The following SCAPER variants were observed in gnomAD, a reference collection of about 807,000 sequenced individuals.
SCAPER encodes S phase cyclin A-associated protein in the endoplasmic reticulum.
In SCAPER, 98 loss-of-function variants were observed where a neutral mutation model predicts 182.2. The observed-to-expected ratio is 0.54, with a 90% CI of 0.46 to 0.64. The LOEUF (loss-of-function observed/expected upper bound fraction) is 0.64. SCAPER is among the 30% of genes least tolerant of loss of function. The pLI is 0.00. For synonymous variants in SCAPER, 605 were observed against 564.6 expected, an observed-to-expected ratio of 1.07 and a Z score of -1.01; for missense variants, 1,432 against 1,690.0, an observed-to-expected ratio of 0.85 and a Z score of 2.68.
intron 17 of SCAPER, among the ~76,000 whole-genome samples, chr15:76,717,694 T>C (rs986297703): frequency 6.6e-6 from 1 of 151,986 alleles, no homozygotes; most frequent in African/African-American, 2.4e-5. Flanking sequence ...AATATACAAA[T>C]AATAAAGAGA....
At chr15:76,420,729 C>T (rs1340120465) in intron 26 of SCAPER, among the ~76,000 whole-genome samples, 1 of 152,112 alleles carries the variant, frequency 6.6e-6, no homozygotes, top group African/African-American at 2.4e-5. Context: ...CGTTAACTCA[C>T]CATTTACATT....
intron 26 of SCAPER, among the ~76,000 whole-genome samples, chr15:76,425,411 C>T (rs1012664234): frequency 6.6e-6 from 1 of 152,194 alleles, no homozygotes; most frequent in Non-Finnish European, 1.5e-5. Context: ...ATAGAATCGG[C>T]TACTGAAGCT....
intron 20 of SCAPER, among the ~76,000 whole-genome samples, chr15:76,682,652 C>T (rs2057795553): frequency 6.6e-6 from 1 of 152,160 alleles, no homozygotes; most frequent in African/African-American, 2.4e-5. Context: ...TGGTACCACC[C>T]ATTAGAGTGT....
rs111308216 is a variant in SCAPER, at chr15:76,723,366, G to A, written c.2165+5229C>T. 2.8e-3 allele frequency among the ~76,000 whole-genome samples: 420 copies of A among 152,228 alleles called. 2 individuals carry two copies. The highest frequency in any genetic ancestry group is 9.8e-3 in the African/African-American group (406 of 41,546). On this transcript the variant is annotated intron_variant, in intron 17 of 31. Transcript: ENST00000563290. ...ACTTCCAACTATGTGGTCAATTTTG[G>A]AATAGGTGTGGTGTGGTGTGCTGAA...
At position 76,348,493 on chromosome 15, in the gene SCAPER, A is replaced by C; in HGVS notation, c.*140T>G. On this transcript the variant is annotated 3_prime_UTR_variant, in exon 32 of 32. Coordinates refer to ENST00000563290, the MANE Select transcript of SCAPER (RefSeq NM_020843.4). ...TCAAGTATCTACAGTCATTATAAAT[A>C]GTGTAAAGTACATGCCATATCTACA... 1 of 518,166 alleles carries C rather than the reference A, an allele frequency of 1.9e-6. No individual in the cohort carries two copies. The highest frequency in any genetic ancestry group is 3.4e-6 in the Non-Finnish European group (1 of 293,280). The allele number at this position is 518,166 out of a possible 1,614,324, so 32.1% of individuals were successfully genotyped here.
chr15:76,683,955 A>G (rs1226601956), intron 20 of SCAPER, among the ~76,000 whole-genome samples: 1 of 152,130 alleles, frequency 6.6e-6, no homozygotes, highest in Non-Finnish European at 1.5e-5. Flanking sequence ...AGAATTTCAC[A>G]TGCAGCCCAA....
chr15:76,404,186 T>G (rs1596461456), intron 27 of SCAPER, among the ~76,000 whole-genome samples: 1 of 151,910 alleles, frequency 6.6e-6, no homozygotes, highest in African/African-American at 2.4e-5. Context: ...CTTGGCTTGG[T>G]CTGGTCTAGG....
intron 23 of SCAPER, among the ~76,000 whole-genome samples, chr15:76,512,015 T>A (rs749858337): frequency 6.6e-6 from 1 of 151,700 alleles, no homozygotes. Context: ...CCCGGGTAGC[T>A]GGGATTACAG....
chr15:76,680,923 C>G (rs564714225), intron 20 of SCAPER, among the ~76,000 whole-genome samples: 56 of 152,254 alleles, frequency 3.7e-4, no homozygotes, highest in Non-Finnish European at 7.5e-4. Context: ...ATTTATATAG[C>G]TAATAATACA....
At chr15:76,854,967 G>A (rs762905250) in intron 4 of SCAPER, among the ~76,000 whole-genome samples, 58 of 148,054 alleles carry the variant, frequency 3.9e-4, no homozygotes, top group Non-Finnish European at 5.2e-4. Context: ...GCGAGACTCC[G>A]TCCCAAAAAA....
chr15:76,779,618 A>G (rs2063968975), intron 8 of SCAPER, among the ~76,000 whole-genome samples: 1 of 152,184 alleles, frequency 6.6e-6, no homozygotes, highest in South Asian at 2.1e-4. Flanking sequence ...AAACTTTTTA[A>G]AAGATTCACA....
intron 2 of SCAPER, among the ~76,000 whole-genome samples, chr15:76,869,613 A>T (rs948060230): frequency 7.9e-5 from 12 of 152,134 alleles, no homozygotes; most frequent in Non-Finnish European, 1.6e-4. Context: ...ATAACATGCT[A>T]CCAAGGATGT....
chr15:76,488,714 C>CTTTTTTTTTTTTTTATTTTTTTTT (rs2051925771), intron 24 of SCAPER, among the ~76,000 whole-genome samples: 1 of 93,144 alleles, frequency 1.1e-5, no homozygotes. Flanking sequence ...AGTACACTGC[C>CTTTTTTTTTTTTTTATTTTTTTTT]TTTTTTTTTT....
intron 4 of SCAPER, among the ~76,000 whole-genome samples, chr15:76,853,569 A>T (rs1030079445): frequency 6.6e-6 from 1 of 152,156 alleles, no homozygotes; most frequent in Non-Finnish European, 1.5e-5. Context: ...AAAAAACCAC[A>T]TAGTTATCTC....
intron 1 of SCAPER, among the ~76,000 whole-genome samples, chr15:76,899,488 CAG>C (rs2074631537): frequency 6.6e-6 from 1 of 152,228 alleles, no homozygotes. Flanking sequence ...GGCTGGAGTG[CAG>C]TGGCCTGATC....
At chr15:76,727,475 G>C (rs544583603) in intron 17 of SCAPER, among the ~76,000 whole-genome samples, 1 of 152,194 alleles carries the variant, frequency 6.6e-6, no homozygotes, top group African/African-American at 2.4e-5. Context: ...AGAAAGCCTT[G>C]CAGATCAGTA....
At chr15:76,745,545 C>T (rs1320037453) in intron 15 of SCAPER, among the ~76,000 whole-genome samples, 1 of 152,062 alleles carries the variant, frequency 6.6e-6, no homozygotes, top group Non-Finnish European at 1.5e-5. Context: ...CAAACCTGCA[C>T]ATGTACCCCA....
chr15:76,362,586 T>A (rs531735273), intron 29 of SCAPER, among the ~76,000 whole-genome samples: 1 of 152,066 alleles, frequency 6.6e-6, no homozygotes, highest in South Asian at 2.1e-4. Flanking sequence ...CTAATTTTTT[T>A]ATCCTTAGTA....
chr15:76,835,134 T>C (rs2068818663), intron 5 of SCAPER, among the ~76,000 whole-genome samples: 1 of 151,754 alleles, frequency 6.6e-6, no homozygotes, highest in Admixed American at 6.6e-5. Flanking sequence ...TATACACCAA[T>C]AACATCCAAC....
Sources: allele counts gnomAD v4.1 joint callset (sites outside exome capture counted in the v4.1 genomes callset), GRCh38; gene constraint gnomAD v4.1.1; transcripts MANE v1.5; gene names NCBI Gene and HGNC (gene_info 2026-07-23, HGNC 2026-07-21).